SUGCT: variants seen among roughly 807,000 people sequenced by gnomAD.
SUGCT encodes succinyl-CoA:glutarate-CoA transferase, also known as succinyl-CoA:glutarate CoA-transferase.
SUGCT carries 41 observed loss-of-function variants against 55.0 expected under a neutral mutation model. That is an observed-to-expected ratio of 0.74 (90% CI 0.58 to 0.97). The LOEUF is 0.97. Ranked by LOEUF, SUGCT falls within the 50% of genes least tolerant of loss-of-function variation. The probability of loss-of-function intolerance (pLI) is 0.00; values close to 1 mark genes in which losing one functional copy is unlikely to be tolerated. For missense variants in SUGCT, 568 were observed against 547.8 expected (o/e 1.04, Z -0.37); for synonymous variants, 187 against 200.4 (o/e 0.93, Z 0.56).
Position 40,557,488 on chromosome 7 carries a change from C to T in SUGCT, c.1089+61102C>T, listed in dbSNP as rs528210867. On this transcript the variant is annotated intron_variant, in intron 12 of 13. Transcript: ENST00000335693. ...ACTTTTGTACATCACAAGACACTAT[C>T]GAGGCCAGGCGTGGTGGCTCATGCC... Among the ~76,000 whole-genome samples, 447 of 152,230 alleles carry T rather than the reference C, an allele frequency of 2.9e-3. 4 individuals carry two copies. Among genetic ancestry groups the T allele is most frequent in the African/African-American group, 9.9e-3 (411 of 41,544 alleles).
At chr7:40,919,955 G>A in the SUGCT span, among the ~76,000 whole-genome samples, 4 of 152,158 alleles carry the variant, frequency 2.6e-5, no homozygotes, top group East Asian at 7.8e-4. Context: ...AACACATCTT[G>A]CTGATCCAGT....
At chr7:41,023,831 G>A in the SUGCT span, among the ~76,000 whole-genome samples, 1 of 152,126 alleles carries the variant, frequency 6.6e-6, no homozygotes, top group African/African-American at 2.4e-5. Flanking sequence ...TTTTCATTAG[G>A]AAGTGATTGT....
At chr7:40,354,249 A>C (rs577696695) in intron 9 of SUGCT, among the ~76,000 whole-genome samples, 3 of 152,170 alleles carry the variant, frequency 2.0e-5, no homozygotes, top group Non-Finnish European at 4.4e-5. Flanking sequence ...GGGGCAGTAG[A>C]ATACAGAATT....
intron 1 of SUGCT, among the ~76,000 whole-genome samples, chr7:40,154,829 C>T (rs781030651): frequency 6.6e-6 from 1 of 152,232 alleles, no homozygotes; most frequent in Non-Finnish European, 1.5e-5. Context: ...AAGATGAAAT[C>T]TCACAAGTCC....
Position 40,149,509 on chromosome 7 carries a change from C to G in SUGCT, c.100+14389C>G, listed in dbSNP as rs559264455. 3.1e-4 allele frequency among the ~76,000 whole-genome samples: 47 copies of G among 152,340 alleles called. 2 individuals are homozygous for G. The South Asian group carries it at 9.1e-3, about 30-fold the overall frequency. On this transcript the variant is annotated intron_variant, in intron 1 of 13. Coordinates refer to ENST00000335693, the MANE Select transcript of SUGCT (RefSeq NM_001193313.2). ...TAAGATTAGAAATTATACTTTAGGG[C>G]TGGGCGCGGTGGCTCATGCCCGTAA...
chr7:40,946,009 T>C, the SUGCT span, among the ~76,000 whole-genome samples: 1 of 152,150 alleles, frequency 6.6e-6, no homozygotes, highest in African/African-American at 2.4e-5. Context: ...GTTGGCTTTT[T>C]CAAATGCCAG....
At chr7:41,001,023 C>CAT in the SUGCT span, among the ~76,000 whole-genome samples, 1 of 152,120 alleles carries the variant, frequency 6.6e-6, no homozygotes, top group Non-Finnish European at 1.5e-5. Context: ...AGTTATCAGC[C>CAT]ATATATCCAT....
At chr7:40,193,328 C>T (rs7797349) in intron 5 of SUGCT, among the ~76,000 whole-genome samples, 4,757 of 145,896 alleles carry the variant, frequency 0.033, 264 homozygotes, top group African/African-American at 0.12. Context: ...TCTGTTGCCC[C>T]AGGCTGGAGT....
the SUGCT span, among the ~76,000 whole-genome samples, chr7:40,916,504 G>A: frequency 6.6e-6 from 1 of 152,150 alleles, no homozygotes; most frequent in Non-Finnish European, 1.5e-5. Flanking sequence ...GTCTTTTTGA[G>A]AATGAAGCCA....
chr7:40,502,553 A>G (rs1454307432), intron 12 of SUGCT, among the ~76,000 whole-genome samples: 1 of 151,972 alleles, frequency 6.6e-6, no homozygotes, highest in Non-Finnish European at 1.5e-5. Flanking sequence ...ATTTTATTTA[A>G]CTTAAAATAT....
chr7:40,586,286 A>T (rs1173642514), intron 12 of SUGCT, among the ~76,000 whole-genome samples: 2 of 152,204 alleles, frequency 1.3e-5, no homozygotes, highest in African/African-American at 4.8e-5. Flanking sequence ...TCATTGCCCA[A>T]TATGGCAGCC....
At chr7:41,018,089 T>C in the SUGCT span, among the ~76,000 whole-genome samples, 1 of 151,928 alleles carries the variant, frequency 6.6e-6, no homozygotes, top group Non-Finnish European at 1.5e-5. Flanking sequence ...TGGTCAAGGA[T>C]GGCTGACCAG....
At chr7:40,591,757 G>A (rs1797732389) in intron 12 of SUGCT, among the ~76,000 whole-genome samples, 2 of 152,116 alleles carry the variant, frequency 1.3e-5, no homozygotes, top group South Asian at 4.1e-4. Flanking sequence ...CCAGTAAAAA[G>A]GTTATGATGT....
the SUGCT span, among the ~76,000 whole-genome samples, chr7:40,915,109 G>A: frequency 6.6e-6 from 1 of 152,150 alleles, no homozygotes; most frequent in East Asian, 1.9e-4. Flanking sequence ...AGCATATCTT[G>A]TTCCCTACGT....
intron 13 of SUGCT, among the ~76,000 whole-genome samples, chr7:40,760,655 TC>T (rs1375152504): frequency 6.6e-6 from 1 of 152,136 alleles, no homozygotes; most frequent in African/African-American, 2.4e-5. Flanking sequence ...TTAATTAACT[TC>T]TATGATGTTT....
rs371474715 is a variant in SUGCT, at chr7:40,216,876, T to G, written c.485-20759T>G. On this transcript the variant is annotated intron_variant, in intron 6 of 13. Coordinates refer to ENST00000335693, the MANE Select transcript of SUGCT (RefSeq NM_001193313.2). ...ATCTCGAAAAAAAAAAAAAGAAAAG[T>G]GTTGTAATTTATTAATACCCTCTCC... is the stretch of plus-strand genomic sequence containing the variant. Among the ~76,000 whole-genome samples the G allele has an allele frequency of 1.0e-3, 147 of 147,228 alleles. 1 individual carries two copies. Among genetic ancestry groups the G allele is most frequent in the African/African-American group, 3.5e-3 (141 of 40,128 alleles).
intron 12 of SUGCT, among the ~76,000 whole-genome samples, chr7:40,574,522 C>T (rs1796619205): frequency 6.6e-6 from 1 of 152,220 alleles, no homozygotes; most frequent in African/African-American, 2.4e-5. Context: ...AACTGTGCCT[C>T]CCCAGTTCAA....
the SUGCT span, among the ~76,000 whole-genome samples, chr7:40,894,107 C>T: frequency 6.7e-6 from 1 of 149,052 alleles, no homozygotes; most frequent in East Asian, 2.0e-4. Context: ...GTAACCAAAA[C>T]AGCATGGTAC....
intron 6 of SUGCT, among the ~76,000 whole-genome samples, chr7:40,225,284 C>T (rs1788271255): frequency 6.6e-6 from 1 of 152,070 alleles, no homozygotes; most frequent in African/African-American, 2.4e-5. Flanking sequence ...ACATATGCTT[C>T]TTAGTATTAC....
Sources: allele counts gnomAD v4.1 joint callset (sites outside exome capture counted in the v4.1 genomes callset), GRCh38; gene constraint gnomAD v4.1.1; transcripts MANE v1.5; gene names NCBI Gene and HGNC (gene_info 2026-07-23, HGNC 2026-07-21).